The following PDE4D variants were observed in gnomAD, a reference collection of about 807,000 sequenced individuals.
PDE4D encodes the protein phosphodiesterase 4D.
PDE4D carries 24 observed loss-of-function variants against 87.4 expected under a neutral mutation model. The observed-to-expected ratio is 0.27, with a 90% CI of 0.20 to 0.39. PDE4D has a LOEUF of 0.39. PDE4D is among the 10% of genes least tolerant of loss of function. The probability of loss-of-function intolerance (pLI) is 1.00; values close to 1 mark genes in which losing one functional copy is unlikely to be tolerated. For missense variants in PDE4D, 714 were observed against 1,041.0 expected (o/e 0.69, Z 4.32); for synonymous variants, 384 against 383.2 (o/e 1.00, Z -0.02).
chr5:60,001,655 TA>T (rs1230666969), intron 2 of PDE4D, among the ~76,000 whole-genome samples: 2 of 151,996 alleles, frequency 1.3e-5, no homozygotes, highest in Non-Finnish European at 2.9e-5. Flanking sequence ...GAATAAAAGT[TA>T]AAAGGTAAAA....
chr5:60,476,226 G>A (rs1245761462), intron 1 of PDE4D, among the ~76,000 whole-genome samples: 1 of 152,156 alleles, frequency 6.6e-6, no homozygotes, highest in Admixed American at 6.5e-5. Context: ...GTTCATGCAT[G>A]TGACATAGCA....
intron 1 of PDE4D, among the ~76,000 whole-genome samples, chr5:60,376,748 A>G (rs1761463808): frequency 6.6e-6 from 1 of 152,112 alleles, no homozygotes; most frequent in African/African-American, 2.4e-5. Flanking sequence ...TCTGCTCAAT[A>G]CATTCTCCCA....
At chr5:59,008,169 T>A (rs1367401553) in intron 6 of PDE4D, among the ~76,000 whole-genome samples, 1 of 151,980 alleles carries the variant, frequency 6.6e-6, no homozygotes, top group Admixed American at 6.6e-5. Context: ...GTGCAAAAAC[T>A]TCACATAAAT....
chr5:59,893,070 G>T, intron 1 of PDE4D, 98 bp downstream of exon 1: 2 of 1,232,986 alleles, frequency 1.6e-6, no homozygotes, highest in South Asian at 1.4e-5. Context: ...TTTACCCTGG[G>T]TCTAGAATTG....
chr5:59,134,085 C>G (rs746801213), intron 5 of PDE4D, among the ~76,000 whole-genome samples: 7 of 150,496 alleles, frequency 4.7e-5, no homozygotes, highest in Non-Finnish European at 8.8e-5. Flanking sequence ...CTGTTCCTTT[C>G]ACCCCCTCAA....
At chr5:59,070,272 A>G (rs1764563470) in intron 5 of PDE4D, among the ~76,000 whole-genome samples, 2 of 152,200 alleles carry the variant, frequency 1.3e-5, no homozygotes, top group African/African-American at 4.8e-5. Flanking sequence ...TAGCAAAGTT[A>G]TAGATGCAAA....
At chr5:59,158,557 G>A (rs928016985) in intron 5 of PDE4D, among the ~76,000 whole-genome samples, 29 of 152,180 alleles carry the variant, frequency 1.9e-4, no homozygotes, top group Admixed American at 1.8e-3. Flanking sequence ...ATTGGAAAAA[G>A]TGGAATTCAC....
rs572694383 is a variant in PDE4D at position 59,915,988 on chromosome 5, A to G, written c.272+72500T>C. On this transcript the variant is annotated intron_variant, in intron 3 of 16. Coordinates refer to the PDE4D transcript ENST00000502484. ...AAAGTAATTTTTCCCCACATCTGTT[A>G]TTGTCTTTAATCTCCTAGTCCCCAG... 6.4e-4 allele frequency among the ~76,000 whole-genome samples: 98 copies of G among 152,278 alleles called. 2 individuals are homozygous for G. Among genetic ancestry groups the G allele is most frequent in the Non-Finnish European group, 6.5e-4 (44 of 68,016 alleles).
chr5:59,768,499 T>G, intron 1 of PDE4D: 1 of 1,598,272 alleles, frequency 6.3e-7, no homozygotes, highest in Non-Finnish European at 8.5e-7. Context: ...CGGGCTTGTC[T>G]GCTGAGCCAT....
At chr5:59,866,534 A>G (rs1467669772) in intron 1 of PDE4D, among the ~76,000 whole-genome samples, 1 of 152,194 alleles carries the variant, frequency 6.6e-6, no homozygotes, top group Non-Finnish European at 1.5e-5. Flanking sequence ...CTGTAATCCT[A>G]GCACTCCGGA....
chr5:59,668,742 GAAGAAGAAGAAGA>G (rs1335851192), intron 1 of PDE4D, among the ~76,000 whole-genome samples: 1 of 127,924 alleles, frequency 7.8e-6, no homozygotes, highest in Non-Finnish European at 1.7e-5. Flanking sequence ...GAAGAAAGAA[GAAGAAGAAGAAGA>G]AAGAAGAAAG....
At position 59,893,638 on chromosome 5, in the gene PDE4D, C is replaced by T. The variant is rs1467796652; in HGVS notation, c.-16G>A. ...CTGCCTCCATCCTGGCTCGCGGCTC[C>T]GCGACCTGCTGCCCAGCCCGGGTTC... On this transcript the variant is annotated 5_prime_UTR_variant, in exon 1 of 15. Transcript: ENST00000340635. The T allele has an allele frequency of 1.4e-6, 2 of 1,476,220 alleles. No homozygotes were observed. The highest frequency in any genetic ancestry group is 2.5e-5 in the Admixed American group (1 of 39,966). 91.4% of individuals were successfully genotyped at this position (1,476,220 alleles called of 1,614,324 possible).
intron 1 of PDE4D, among the ~76,000 whole-genome samples, chr5:60,509,073 T>C (rs1447815714): frequency 6.6e-6 from 1 of 152,086 alleles, no homozygotes; most frequent in Admixed American, 6.5e-5. Flanking sequence ...CTGATTTTTA[T>C]GTTTTTAGTA....
rs370172580 is a variant in PDE4D at position 60,458,795 on chromosome 5, A to C, written c.-90+29147T>G. Among the ~76,000 whole-genome samples, 240 of 152,248 alleles carry C rather than the reference A, an allele frequency of 1.6e-3. 1 individual carries two copies. The highest frequency in any genetic ancestry group is 5.5e-3 in the African/African-American group (228 of 41,530). On this transcript the variant is annotated intron_variant, in intron 1 of 16. Coordinates refer to the PDE4D transcript ENST00000502484. ...TACTTATGCTGCAATCCATAAGTGCACCTCCTCAATATGCCACCTCTGAAA... is the reference window on the plus strand; with the variant it reads ...TACTTATGCTGCAATCCATAAGTGCCCCTCCTCAATATGCCACCTCTGAAA...
intron 3 of PDE4D, among the ~76,000 whole-genome samples, chr5:59,937,630 A>G (rs1418018857): frequency 2.6e-5 from 4 of 152,184 alleles, no homozygotes; most frequent in Non-Finnish European, 5.9e-5. Context: ...CCCTTCTTAT[A>G]AGGCCACTAA....
chr5:59,061,490 ACT>A (rs1156700730), intron 5 of PDE4D, among the ~76,000 whole-genome samples: 1 of 151,994 alleles, frequency 6.6e-6, no homozygotes, highest in Non-Finnish European at 1.5e-5. Context: ...ATTTGCACAC[ACT>A]CGAGGCCCAC....
At chr5:60,112,398 T>A (rs907747410) in intron 2 of PDE4D, among the ~76,000 whole-genome samples, 1 of 152,034 alleles carries the variant, frequency 6.6e-6, no homozygotes, top group Admixed American at 6.6e-5. Context: ...TGTGGGGTCG[T>A]ATGGGGTTGT....
rs535862091 is a variant in PDE4D, at chr5:60,413,193, C to G, written c.-90+74749G>C. Among the ~76,000 whole-genome samples the G allele has an allele frequency of 2.6e-5, 4 of 152,296 alleles. No individual in the cohort carries two copies. The East Asian group carries it at 7.7e-4, about 29-fold the overall frequency. On this transcript the variant is annotated intron_variant, in intron 1 of 16. Coordinates refer to the PDE4D transcript ENST00000502484. ...ACTTCCTAGATTATATTCCTACTGACTACTGTAGCTTACTTTCATTACATC... is the reference window on the plus strand; with the variant it reads ...ACTTCCTAGATTATATTCCTACTGAGTACTGTAGCTTACTTTCATTACATC...
rs141859951 is a variant in PDE4D, at chr5:59,901,412, A to G, written c.272+87076T>C. ...TATTCATGCAAGGAAGGATTTTTTT[A>G]AAAGATACAAAAGCAGTTACAGCGA... On this transcript the variant is annotated intron_variant, in intron 3 of 16. Transcript: ENST00000502484. Among the ~76,000 whole-genome samples the G allele has an allele frequency of 1.6e-3, 239 of 152,284 alleles. 1 individual carries two copies. The highest frequency in any genetic ancestry group is 2.6e-3 in the Non-Finnish European group (179 of 68,008).
Sources: allele counts gnomAD v4.1 joint callset (sites outside exome capture counted in the v4.1 genomes callset), GRCh38; gene constraint gnomAD v4.1.1; transcripts MANE v1.5; gene names NCBI Gene and HGNC (gene_info 2026-07-23, HGNC 2026-07-21).